Variants in ZNF385D observed in about 807,000 individuals in gnomAD.
ZNF385D encodes zinc finger protein 385D, also known as zinc finger protein 659.
In ZNF385D, 15 loss-of-function variants were observed where a neutral mutation model predicts 35.8. The observed-to-expected ratio is 0.42, with a 90% CI of 0.28 to 0.64. The LOEUF (loss-of-function observed/expected upper bound fraction) is 0.64, where lower values mean the gene tolerates loss of function less well. Ranked by LOEUF, ZNF385D falls within the 30% of genes least tolerant of loss-of-function variation. ZNF385D has a pLI of 0.23. For synonymous variants in ZNF385D, 212 were observed against 186.8 expected (o/e 1.13, Z -1.10); for missense variants, 474 against 494.6 (o/e 0.96, Z 0.39).
At chr3:21,584,984 A>C (rs28630918) in intron 2 of ZNF385D, among the ~76,000 whole-genome samples, 103,773 of 152,066 alleles carry the variant, frequency 0.68, 35,685 homozygotes, top group Middle Eastern at 0.74. Context: ...TAAATTTAAG[A>C]AAATCTCCAG....
intron 3 of ZNF385D, among the ~76,000 whole-genome samples, chr3:21,946,479 T>C (rs968337000): frequency 6.6e-5 from 10 of 152,170 alleles, no homozygotes; most frequent in Non-Finnish European, 1.5e-5. Context: ...CTCTAATACA[T>C]ATTTTTAAGT....
At chr3:21,908,146 CTATCTATCTAT>C (rs1699785790) in intron 3 of ZNF385D, among the ~76,000 whole-genome samples, 2 of 150,310 alleles carry the variant, frequency 1.3e-5, no homozygotes, top group Admixed American at 6.6e-5. Flanking sequence ...ATCTATCTAT[CTATCTATCTAT>C]CTATCTATCT....
intron 2 of ZNF385D, among the ~76,000 whole-genome samples, chr3:22,312,588 T>C (rs9844842): frequency 0.62 from 93,017 of 150,030 alleles, 29,139 homozygotes; most frequent in African/African-American, 0.72. Flanking sequence ...AAAAAGTGGG[T>C]GAAGGATATG....
chr3:21,831,418 T>C (rs1407612236), intron 3 of ZNF385D, among the ~76,000 whole-genome samples: 1 of 152,210 alleles, frequency 6.6e-6, no homozygotes, highest in South Asian at 2.1e-4. Flanking sequence ...TCATAGTTAA[T>C]TGATTCAGTG....
chr3:21,819,669 T>C (rs867067383), intron 3 of ZNF385D, among the ~76,000 whole-genome samples: 1 of 146,680 alleles, frequency 6.8e-6, no homozygotes, highest in Non-Finnish European at 1.5e-5. Context: ...GTGTATTAAT[T>C]ATATATAATT....
intron 2 of ZNF385D, among the ~76,000 whole-genome samples, chr3:22,330,045 A>T (rs1694862946): frequency 1.3e-5 from 2 of 152,126 alleles, no homozygotes; most frequent in African/African-American, 4.8e-5. Flanking sequence ...TATTAATCTA[A>T]TTGTCTGTGT....
intron 2 of ZNF385D, among the ~76,000 whole-genome samples, chr3:22,183,624 A>G (rs11718261): frequency 4.6e-5 from 7 of 152,198 alleles, no homozygotes; most frequent in South Asian, 2.1e-4. Context: ...CCGAGAATGG[A>G]AAGTTTTAAA....
At chr3:21,926,938 T>C (rs2125236821) in intron 3 of ZNF385D, among the ~76,000 whole-genome samples, 1 of 152,292 alleles carries the variant, frequency 6.6e-6, no homozygotes, top group Non-Finnish European at 1.5e-5. Context: ...TACAAAGAAC[T>C]GTCCTCTCCA....
At chr3:22,188,850 T>C (rs866493691) in intron 2 of ZNF385D, among the ~76,000 whole-genome samples, 1 of 152,212 alleles carries the variant, frequency 6.6e-6, no homozygotes, top group African/African-American at 2.4e-5. Flanking sequence ...ATTTCTTTTT[T>C]TCTTTTCTCT....
At chr3:22,200,138 G>A (rs1215221906) in intron 2 of ZNF385D, among the ~76,000 whole-genome samples, 3 of 152,062 alleles carry the variant, frequency 2.0e-5, no homozygotes, top group African/African-American at 7.2e-5. Flanking sequence ...CAGGGCCATA[G>A]GATAATTTAC....
At chr3:21,704,159 C>T (rs896881201) in intron 1 of ZNF385D, among the ~76,000 whole-genome samples, 1 of 152,160 alleles carries the variant, frequency 6.6e-6, no homozygotes. Context: ...CCCATGTAAG[C>T]TCCCTGAAAC....
Position 22,050,899 on chromosome 3 carries a change from A to T in ZNF385D, c.325+117918T>A, listed in dbSNP as rs1414872221. 7.9e-5 allele frequency among the ~76,000 whole-genome samples: 2 copies of T among 25,312 alleles called. 1 individual carries two copies. The highest frequency in any genetic ancestry group is 1.7e-4 in the Non-Finnish European group (2 of 11,908). 16.6% of individuals were successfully genotyped at this position (25,312 alleles called of 152,430 possible). Reference sequence around the variant, plus strand: ...AATTTCTGTTCTTTTACATTTGCTGAGGAGAGCTTTACTTCCAACTATGTG... The same window carrying T: ...AATTTCTGTTCTTTTACATTTGCTGTGGAGAGCTTTACTTCCAACTATGTG... On this transcript the variant is annotated intron_variant, in intron 3 of 5. Coordinates refer to the ZNF385D transcript ENST00000494108.
chr3:22,004,927 C>T (rs1488219604), intron 3 of ZNF385D, among the ~76,000 whole-genome samples: 1 of 152,022 alleles, frequency 6.6e-6, no homozygotes, highest in Non-Finnish European at 1.5e-5. Flanking sequence ...TTTGGGCACA[C>T]GTCATCAGGA....
chr3:22,000,025 G>T (rs748455821), intron 3 of ZNF385D, among the ~76,000 whole-genome samples: 4 of 152,116 alleles, frequency 2.6e-5, no homozygotes, highest in Non-Finnish European at 5.9e-5. Flanking sequence ...TTTTATCTAG[G>T]CCGGGCATGG....
intron 3 of ZNF385D, among the ~76,000 whole-genome samples, chr3:21,917,754 C>T (rs1026351918): frequency 2.0e-5 from 3 of 152,152 alleles, no homozygotes; most frequent in African/African-American, 7.2e-5. Flanking sequence ...AGTATCTTTA[C>T]AAGTCATATC....
At chr3:22,036,808 C>G (rs903631661) in intron 3 of ZNF385D, among the ~76,000 whole-genome samples, 2 of 149,864 alleles carry the variant, frequency 1.3e-5, no homozygotes, top group Admixed American at 1.3e-4. Context: ...GTGTGCTGTA[C>G]CCATTAACTC....
chr3:22,132,932 A>G (rs1018303791), intron 3 of ZNF385D, among the ~76,000 whole-genome samples: 5 of 152,144 alleles, frequency 3.3e-5, no homozygotes, highest in Admixed American at 6.6e-5. Flanking sequence ...ATGAAAATGT[A>G]ACTCAAAAGA....
At chr3:21,981,391 A>G (rs4462988) in intron 3 of ZNF385D, among the ~76,000 whole-genome samples, 1 of 152,204 alleles carries the variant, frequency 6.6e-6, no homozygotes, top group East Asian at 1.9e-4. Flanking sequence ...TCTGTTCATG[A>G]CTGAACACTT....
intron 3 of ZNF385D, among the ~76,000 whole-genome samples, chr3:21,530,005 T>C (rs2061886712): frequency 6.6e-6 from 1 of 152,112 alleles, no homozygotes; most frequent in South Asian, 2.1e-4. Flanking sequence ...ACCCTCATGA[T>C]TGACTTAGTG....
Sources: gnomAD v4.1 joint callset for allele counts (sites outside exome capture counted in the v4.1 genomes callset) on GRCh38, gnomAD v4.1.1 for gene constraint, MANE v1.5 for transcripts, NCBI Gene and HGNC (gene_info 2026-07-23, HGNC 2026-07-21) for gene names.